The following ANAPC10 variants were observed in gnomAD, a reference collection of about 807,000 sequenced individuals.
ANAPC10 encodes the protein anaphase promoting complex subunit 10, also known as anaphase-promoting complex subunit 10.
ANAPC10 carries 12 observed loss-of-function variants against 22.0 expected under a neutral mutation model. The ratio of observed to expected loss-of-function variants is 0.55; its 90% CI spans 0.35 to 0.88. ANAPC10 has a LOEUF of 0.88. ANAPC10 is among the 40% of genes least tolerant of loss of function. The pLI, the probability that ANAPC10 is intolerant of heterozygous loss-of-function variation, is 0.01. For missense variants in ANAPC10, 188 were observed against 220.9 expected (o/e 0.85, Z 0.94); for synonymous variants, 65 against 69.5 (o/e 0.94, Z 0.32).
At chr4:145,058,454 T>C (rs904252277) in intron 4 of ANAPC10, among the ~76,000 whole-genome samples, 1 of 151,562 alleles carries the variant, frequency 6.6e-6, no homozygotes, top group African/African-American at 2.4e-5. Flanking sequence ...GTACTTACTA[T>C]ACTAAATGGC....
intron 3 of ANAPC10, among the ~76,000 whole-genome samples, chr4:145,075,001 T>A (rs1744992338): frequency 6.6e-6 from 1 of 152,046 alleles, no homozygotes; most frequent in Non-Finnish European, 1.5e-5. Flanking sequence ...TTTTTTTTTT[T>A]ATTATTGTTT....
chr4:145,013,525 A>G (rs1391349909), intron 4 of ANAPC10, among the ~76,000 whole-genome samples: 1 of 152,192 alleles, frequency 6.6e-6, no homozygotes, highest in Admixed American at 6.5e-5. Context: ...GAATGCAATC[A>G]TTAATAAAAA....
intron 4 of ANAPC10, among the ~76,000 whole-genome samples, chr4:144,996,243 T>C (rs1380325641): frequency 6.6e-6 from 1 of 152,154 alleles, no homozygotes; most frequent in African/African-American, 2.4e-5. Flanking sequence ...AGAAACACTC[T>C]ACCAACTAGG....
At chr4:145,010,730 G>A (rs983622697) in intron 4 of ANAPC10, among the ~76,000 whole-genome samples, 15 of 151,962 alleles carry the variant, frequency 9.9e-5, no homozygotes, top group African/African-American at 3.4e-4. Context: ...TGTAAATGAC[G>A]AGTTAATGGG....
chr4:145,038,578 A>G (rs1578997503), intron 4 of ANAPC10, among the ~76,000 whole-genome samples: 1 of 152,130 alleles, frequency 6.6e-6, no homozygotes, highest in East Asian at 1.9e-4. Context: ...TAATCCCAGC[A>G]TTTTGGGAGG....
intron 3 of ANAPC10, among the ~76,000 whole-genome samples, chr4:145,065,025 T>C (rs1327151906): frequency 6.6e-6 from 1 of 151,996 alleles, no homozygotes; most frequent in East Asian, 1.9e-4. Context: ...ATTTGTATTT[T>C]AGACAAAGAA....
chr4:145,012,207 T>G (rs1010977256), intron 4 of ANAPC10, among the ~76,000 whole-genome samples: 2 of 131,526 alleles, frequency 1.5e-5, no homozygotes, highest in African/African-American at 5.7e-5. Context: ...CACACACACA[T>G]ATATATACAT....
rs1746755401 is a variant in ANAPC10, at chr4:145,085,527, C to A, written c.116-3777G>T. On this transcript the variant is annotated intron_variant, in intron 2 of 4. Coordinates refer to ENST00000507656, the MANE Select transcript of ANAPC10 (RefSeq NM_001256706.2). ...TATGTGCTCAAAGAGGTTCAAAGAA[C>A]AAAATAGTATTTGTTCTTAAAATGC... Among the ~76,000 whole-genome samples the A allele has an allele frequency of 1.3e-5, 2 of 149,690 alleles. 1 individual carries two copies. Among genetic ancestry groups the A allele is most frequent in the Non-Finnish European group, 3.0e-5 (2 of 67,536 alleles).
intron 3 of ANAPC10, among the ~76,000 whole-genome samples, chr4:145,075,432 C>T (rs1745052520): frequency 6.6e-6 from 1 of 151,746 alleles, no homozygotes; most frequent in Non-Finnish European, 1.5e-5. Context: ...CAGGGTTGAT[C>T]AGAGCCAAGA....
intron 4 of ANAPC10, among the ~76,000 whole-genome samples, chr4:145,014,006 C>T (rs942685625): frequency 7.2e-5 from 11 of 152,118 alleles, no homozygotes; most frequent in South Asian, 4.2e-4. Context: ...GCCAGCGGTG[C>T]GGAGAAAATG....
chr4:145,080,675 G>A (rs747429954), intron 3 of ANAPC10, among the ~76,000 whole-genome samples: 7 of 152,146 alleles, frequency 4.6e-5, no homozygotes, highest in Non-Finnish European at 1.0e-4. Context: ...TTGGGAGGCC[G>A]AGGCGGGTTG....
chr4:145,067,687 C>T (rs555948267), intron 3 of ANAPC10, among the ~76,000 whole-genome samples: 2 of 152,312 alleles, frequency 1.3e-5, no homozygotes, highest in Admixed American at 1.3e-4. Flanking sequence ...CCTCCTGCTA[C>T]CACAGATACG....
At chr4:145,011,519 G>A (rs1199066920) in intron 4 of ANAPC10, among the ~76,000 whole-genome samples, 5 of 152,004 alleles carry the variant, frequency 3.3e-5, no homozygotes, top group Admixed American at 3.3e-4. Context: ...ATGGAGACCA[G>A]GATTCGAGGG....
At chr4:145,025,955 A>G (rs906356448) in intron 4 of ANAPC10, among the ~76,000 whole-genome samples, 1 of 152,188 alleles carries the variant, frequency 6.6e-6, no homozygotes, top group Admixed American at 6.6e-5. Flanking sequence ...TACCAGTTAG[A>G]CAGATTAAAG....
intron 4 of ANAPC10, among the ~76,000 whole-genome samples, chr4:145,040,238 C>G (rs1373655382): frequency 2.0e-5 from 3 of 152,084 alleles, no homozygotes; most frequent in African/African-American, 7.2e-5. Context: ...GCACCTCTGC[C>G]TCCCAGGTTC....
At chr4:145,035,886 T>A (rs1001583065) in intron 4 of ANAPC10, among the ~76,000 whole-genome samples, 3 of 152,172 alleles carry the variant, frequency 2.0e-5, no homozygotes, top group African/African-American at 7.2e-5. Context: ...CAGCACTCTC[T>A]GCTTTTCTGA....
chr4:145,047,533 A>G (rs949036201), intron 4 of ANAPC10, among the ~76,000 whole-genome samples: 7 of 152,152 alleles, frequency 4.6e-5, no homozygotes, highest in Non-Finnish European at 1.0e-4. Context: ...TGAATTCCAT[A>G]TCTGCCTTAG....
chr4:145,004,545 T>C (rs1418084036), intron 4 of ANAPC10, among the ~76,000 whole-genome samples: 1 of 152,148 alleles, frequency 6.6e-6, no homozygotes, highest in African/African-American at 2.4e-5. Context: ...AGGGTTTTTA[T>C]CATGAAAGGA....
intron 4 of ANAPC10, among the ~76,000 whole-genome samples, chr4:145,053,451 G>A (rs1286585141): frequency 6.6e-6 from 1 of 152,086 alleles, no homozygotes; most frequent in African/African-American, 2.4e-5. Context: ...AAGAAATCAA[G>A]ACTAGCTGTA....
Sources: gnomAD v4.1 joint callset for allele counts (sites outside exome capture counted in the v4.1 genomes callset) on GRCh38, gnomAD v4.1.1 for gene constraint, MANE v1.5 for transcripts, NCBI Gene and HGNC (gene_info 2026-07-23, HGNC 2026-07-21) for gene names.